The following ATRNL1 variants were observed in gnomAD, a reference collection of about 807,000 sequenced individuals.
The protein encoded by ATRNL1 is attractin like 1, also known as attractin-like protein 1.
A neutral mutation model predicts 182.7 loss-of-function variants in ATRNL1; 95 were observed. That is an observed-to-expected ratio of 0.52 (90% CI 0.44 to 0.62). The LOEUF is 0.62. ATRNL1 is among the 20% of genes least tolerant of loss of function. The pLI is 0.00. For synonymous variants in ATRNL1, 576 were observed against 568.3 expected (o/e 1.01, Z -0.19); for missense variants, 1,471 against 1,679.5 (o/e 0.88, Z 2.17).
chr10:115,773,656 G>A (rs1555077026), intron 27 of ATRNL1, among the ~76,000 whole-genome samples: 1 of 152,032 alleles, frequency 6.6e-6, no homozygotes, highest in Non-Finnish European at 1.5e-5. Context: ...CTAAGACTGG[G>A]GACCCCTGCA....
chr10:115,325,341 G>A (rs1008694701), intron 18 of ATRNL1, among the ~76,000 whole-genome samples: 2 of 152,078 alleles, frequency 1.3e-5, no homozygotes, highest in Non-Finnish European at 2.9e-5. Flanking sequence ...ATTACCTGTC[G>A]ATCTAACACT....
Position 115,944,817 on chromosome 10 carries a change from A to G in ATRNL1, c.*38A>G. On this transcript the variant is annotated 3_prime_UTR_variant, in exon 29 of 29. Coordinates refer to ENST00000355044, the MANE Select transcript of ATRNL1 (RefSeq NM_207303.4). Reference sequence around the variant, plus strand: ...GCTCCTGTATATTCTGTACTGTTTTACTTCGGGCTTCTGTTAAAGCTGTTC... The same window carrying G: ...GCTCCTGTATATTCTGTACTGTTTTGCTTCGGGCTTCTGTTAAAGCTGTTC... 1 of 1,590,272 alleles carries G rather than the reference A, an allele frequency of 6.3e-7. No homozygotes were observed.
chr10:115,400,896 T>C (rs1250595129), intron 20 of ATRNL1, among the ~76,000 whole-genome samples: 1 of 152,058 alleles, frequency 6.6e-6, no homozygotes, highest in Admixed American at 6.6e-5. Flanking sequence ...CTTTATTCGG[T>C]TTGCCTTTCT....
chr10:115,561,101 AGACAT>A (rs1853678584), intron 26 of ATRNL1, among the ~76,000 whole-genome samples: 1 of 152,160 alleles, frequency 6.6e-6, no homozygotes, highest in African/African-American at 2.4e-5. Context: ...GAATCTTCTT[AGACAT>A]GACATCAAAA....
intron 25 of ATRNL1, among the ~76,000 whole-genome samples, chr10:115,548,230 A>C (rs966401282): frequency 2.2e-4 from 33 of 152,262 alleles, no homozygotes; most frequent in African/African-American, 6.0e-4. Flanking sequence ...CATCGATGTG[A>C]CGTACTAGCA....
intron 18 of ATRNL1, among the ~76,000 whole-genome samples, chr10:115,330,696 T>C (rs1228159552): frequency 1.4e-5 from 2 of 144,762 alleles, no homozygotes; most frequent in Admixed American, 7.1e-5. Flanking sequence ...TTTTTTCTCA[T>C]GCTGCTTTCA....
intron 26 of ATRNL1, among the ~76,000 whole-genome samples, chr10:115,653,474 G>A (rs1194507607): frequency 6.6e-6 from 1 of 152,084 alleles, no homozygotes; most frequent in African/African-American, 2.4e-5. Flanking sequence ...TTCTAGATCT[G>A]TTTGCAAACT....
At chr10:115,819,246 T>C (rs1950237574) in intron 27 of ATRNL1, among the ~76,000 whole-genome samples, 1 of 150,128 alleles carries the variant, frequency 6.7e-6, no homozygotes, top group Admixed American at 6.7e-5. Flanking sequence ...CCCTTTGGCA[T>C]CTTAAATGAA....
intron 10 of ATRNL1, among the ~76,000 whole-genome samples, chr10:115,258,661 G>A (rs184824275): frequency 7.2e-5 from 11 of 152,104 alleles, no homozygotes; most frequent in African/African-American, 2.7e-4. Flanking sequence ...TCCATTGCTG[G>A]TGAGGAGCTG....
At chr10:115,458,885 A>G (rs1554969220) in intron 21 of ATRNL1, among the ~76,000 whole-genome samples, 1 of 152,164 alleles carries the variant, frequency 6.6e-6, no homozygotes, top group African/African-American at 2.4e-5. Context: ...TCAAGACTGC[A>G]GCCCTACTTT....
chr10:115,323,402 TCC>T (rs1854687336), intron 18 of ATRNL1, among the ~76,000 whole-genome samples: 1 of 58,606 alleles, frequency 1.7e-5, no homozygotes, highest in Non-Finnish European at 3.2e-5. Context: ...GCATGATTTC[TCC>T]CTCCCCTCCC....
At chr10:115,222,168 A>G (rs1554897598) in intron 9 of ATRNL1, among the ~76,000 whole-genome samples, 2 of 152,178 alleles carry the variant, frequency 1.3e-5, no homozygotes, top group African/African-American at 4.8e-5. Flanking sequence ...ACATTGAGTA[A>G]ATTAAGAATT....
intron 27 of ATRNL1, among the ~76,000 whole-genome samples, chr10:115,813,224 A>G (rs1278991254): frequency 1.3e-5 from 2 of 152,112 alleles, no homozygotes; most frequent in South Asian, 2.1e-4. Context: ...CCTAAAACTT[A>G]AAGTATAATA....
At chr10:115,333,707 A>C (rs1302143828) in intron 18 of ATRNL1, among the ~76,000 whole-genome samples, 1 of 151,940 alleles carries the variant, frequency 6.6e-6, no homozygotes, top group Admixed American at 6.6e-5. Context: ...GGCTGGTCTC[A>C]AACTCCTCAC....
intron 19 of ATRNL1, among the ~76,000 whole-genome samples, chr10:115,348,635 A>G (rs1326372962): frequency 6.6e-6 from 1 of 152,082 alleles, no homozygotes; most frequent in East Asian, 1.9e-4. Flanking sequence ...ATATCCTTGA[A>G]CTCCATAAAT....
intron 19 of ATRNL1, among the ~76,000 whole-genome samples, chr10:115,357,012 C>G (rs1296376339): frequency 6.6e-6 from 1 of 151,862 alleles, no homozygotes; most frequent in East Asian, 1.9e-4. Flanking sequence ...TTCAATATTT[C>G]TCTTTAATTT....
intron 8 of ATRNL1, among the ~76,000 whole-genome samples, chr10:115,209,925 C>A (rs1848956073): frequency 6.6e-6 from 1 of 151,970 alleles, no homozygotes; most frequent in African/African-American, 2.4e-5. Flanking sequence ...AACTACTATA[C>A]CACTTATGAA....
intron 26 of ATRNL1, among the ~76,000 whole-genome samples, chr10:115,558,065 C>CAA (rs113014620): frequency 0.092 from 13,343 of 144,508 alleles, 884 homozygotes; most frequent in African/African-American, 0.2. Context: ...AACAAAAAAA[C>CAA]AAAAAAAAAA....
intron 9 of ATRNL1, among the ~76,000 whole-genome samples, chr10:115,221,627 CAGTT>C (rs1474435174): frequency 5.9e-5 from 9 of 152,056 alleles, no homozygotes; most frequent in African/African-American, 1.2e-4. Context: ...AACCTTGAGA[CAGTT>C]AGAAATCCTG....
Sources: gnomAD v4.1 joint callset for allele counts (sites outside exome capture counted in the v4.1 genomes callset) on GRCh38, gnomAD v4.1.1 for gene constraint, MANE v1.5 for transcripts, NCBI Gene and HGNC (gene_info 2026-07-23, HGNC 2026-07-21) for gene names.